CCDC12: variants seen among roughly 807,000 people sequenced by gnomAD.
CCDC12 encodes the protein coiled-coil domain containing 12.
CCDC12 carries 28 observed loss-of-function variants against 25.7 expected under a neutral mutation model. The ratio of observed to expected loss-of-function variants is 1.09; its 90% CI spans 0.81 to 1.50. CCDC12 has a LOEUF of 1.50. Among genes scored for constraint, CCDC12 ranks in the 40% most tolerant of loss-of-function variants. The pLI is 0.00. For synonymous variants in CCDC12, 75 were observed against 87.7 expected, an observed-to-expected ratio of 0.86 and a Z score of 0.81; for missense variants, 198 against 210.0, an observed-to-expected ratio of 0.94 and a Z score of 0.35.
At chr3:46,923,714 C>T (rs746649738) in intron 3 of CCDC12, 46 bp from the exon 4 acceptor site, 2 of 1,426,840 alleles carry the variant, frequency 1.4e-6, no homozygotes, top group South Asian at 3.1e-5. Context: ...AAACGCGCTG[C>T]CACTCTGCAG....
chr3:46,957,007 C>T (rs1023825733), intron 1 of CCDC12, among the ~76,000 whole-genome samples: 2 of 152,108 alleles, frequency 1.3e-5, no homozygotes, highest in African/African-American at 2.4e-5. Flanking sequence ...GCCCAGAGCC[C>T]GAGCTCCTCC....
At chr3:46,966,851 T>C (rs533777161) in intron 1 of CCDC12, among the ~76,000 whole-genome samples, 1 of 152,310 alleles carries the variant, frequency 6.6e-6, no homozygotes, top group South Asian at 2.1e-4. Context: ...CAAGCTCACC[T>C]ATCACCTTGT....
intron 1 of CCDC12, among the ~76,000 whole-genome samples, chr3:46,959,409 G>T (rs1250469542): frequency 3.3e-5 from 5 of 152,226 alleles, no homozygotes; most frequent in Admixed American, 1.3e-4. Context: ...ACTGTGGCTG[G>T]CACAGAGTAC....
intron 2 of CCDC12, among the ~76,000 whole-genome samples, chr3:46,939,817 A>G (rs1277378771): frequency 6.6e-6 from 1 of 152,176 alleles, no homozygotes; most frequent in Non-Finnish European, 1.5e-5. Flanking sequence ...AAAGGCAGAG[A>G]TGAGGCCCGC....
intron 1 of CCDC12, among the ~76,000 whole-genome samples, chr3:46,971,632 T>C (rs1395875456): frequency 2.6e-4 from 4 of 15,344 alleles, no homozygotes; most frequent in African/African-American, 2.8e-4. Flanking sequence ...TATCACTAAA[T>C]TATGAGTTTA....
At chr3:46,965,848 AG>A (rs2034622805) in intron 1 of CCDC12, 2 of 152,346 alleles carry the variant, frequency 1.3e-5, no homozygotes, top group South Asian at 4.1e-4. Context: ...AGAGTATAGG[AG>A]AAAGAATAAA....
chr3:46,948,907 C>T (rs1257607974), intron 1 of CCDC12, among the ~76,000 whole-genome samples: 2 of 151,858 alleles, frequency 1.3e-5, no homozygotes, highest in East Asian at 1.9e-4. Flanking sequence ...TATCAGTCGA[C>T]AAATACTGAC....
chr3:46,960,310 C>T (rs1176673933), intron 1 of CCDC12, among the ~76,000 whole-genome samples: 1 of 151,862 alleles, frequency 6.6e-6, no homozygotes, highest in Non-Finnish European at 1.5e-5. Context: ...GCCCAGCATT[C>T]ACTCTCACTT....
upstream of CCDC12, among the ~76,000 whole-genome samples, chr3:46,977,801 C>G (rs957104914): frequency 2.0e-5 from 3 of 152,248 alleles, no homozygotes; most frequent in Non-Finnish European, 2.9e-5. Context: ...GTACTGCCCC[C>G]AATCCCCAGC....
At chr3:46,948,056 G>A (rs144316401) in intron 1 of CCDC12, among the ~76,000 whole-genome samples, 1 of 152,220 alleles carries the variant, frequency 6.6e-6, no homozygotes, top group South Asian at 2.1e-4. Flanking sequence ...CCTCTGCAGA[G>A]GTCATGGGAA....
intron 4 of CCDC12, 50 bp from the exon 5 acceptor site, chr3:46,923,413 A>AG (rs772815566): frequency 1.1e-4 from 176 of 1,553,232 alleles, no homozygotes; most frequent in Non-Finnish European, 1.5e-4. Context: ...CCCCAGGACA[A>AG]GGGGGAGGGC....
At chr3:46,940,798 G>A in intron 2 of CCDC12, 200 bp downstream of exon 2, 1 of 601,176 alleles carries the variant, frequency 1.7e-6, no homozygotes, top group Non-Finnish European at 3.0e-6. Flanking sequence ...AATGGAAAAT[G>A]AGGGAAAGGA....
At chr3:46,981,203 G>A (rs2385872), upstream of CCDC12, among the ~76,000 whole-genome samples, 143,126 of 151,684 alleles carry the variant, frequency 0.94, 68,111 homozygotes, top group East Asian at 1. Flanking sequence ...CCAGCACTTT[G>A]GGAGGCCGAG....
chr3:46,957,563 C>T (rs7624549), intron 1 of CCDC12, among the ~76,000 whole-genome samples: 143,850 of 152,254 alleles, frequency 0.94, 68,525 homozygotes, highest in East Asian at 1. Flanking sequence ...TAGCAATAAC[C>T]TAACAACGAA....
chr3:46,934,079 C>G (rs1320533611), intron 2 of CCDC12, among the ~76,000 whole-genome samples: 2 of 152,122 alleles, frequency 1.3e-5, no homozygotes, highest in Non-Finnish European at 2.9e-5. Context: ...GCCACAGCAC[C>G]CGGTTGTAAA....
At position 46,940,993 on chromosome 3, in the gene CCDC12, A is replaced by G. The variant is rs2033677622; in HGVS notation, c.164+5T>C. Reference sequence around the variant, plus strand: ...GCAGACCCTGGAGCTGCACACGGGCATTACCTGTGCTTCTCGCCTTCTTCC... The same window carrying G: ...GCAGACCCTGGAGCTGCACACGGGCGTTACCTGTGCTTCTCGCCTTCTTCC... On this transcript the variant is annotated splice_donor_5th_base_variant and intron_variant, in intron 2 of 6. Coordinates refer to ENST00000683445, the MANE Select transcript of CCDC12 (RefSeq NM_001277074.2). 1 of 1,613,980 alleles carries G rather than the reference A, an allele frequency of 6.2e-7. No homozygotes were observed. The highest frequency in any genetic ancestry group is 2.2e-5 in the East Asian group (1 of 44,882).
At chr3:46,942,687 T>A (rs2033757013) in intron 1 of CCDC12, among the ~76,000 whole-genome samples, 1 of 151,962 alleles carries the variant, frequency 6.6e-6, no homozygotes, top group African/African-American at 2.4e-5. Context: ...TGAGAACAGA[T>A]CAACATGCCC....
chr3:46,940,939 T>C (rs1472294227), intron 2 of CCDC12, 59 bp downstream of exon 2: 24 of 1,540,218 alleles, frequency 1.6e-5, no homozygotes, highest in Non-Finnish European at 1.9e-5. Flanking sequence ...ACCCAGAGAC[T>C]GGGAGACCGA....
rs994894180 is a variant in CCDC12 at position 46,961,832 on chromosome 3, C to A, written c.96+14805G>T. ...GGAAGGTTAACAGCATGATCATAAA[C>A]AGTGCATGCCAATTAAGTCACGGGA... On this transcript the variant is annotated intron_variant, in intron 1 of 6. Coordinates refer to ENST00000683445, the MANE Select transcript of CCDC12 (RefSeq NM_001277074.2). 2.0e-5 allele frequency among the ~76,000 whole-genome samples: 3 copies of A among 152,162 alleles called. No individual in the cohort carries two copies. In the East Asian group the frequency reaches 5.8e-4, roughly 29 times the overall value.
Sources: allele counts gnomAD v4.1 joint callset (sites outside exome capture counted in the v4.1 genomes callset), GRCh38; gene constraint gnomAD v4.1.1; transcripts MANE v1.5; gene names NCBI Gene and HGNC (gene_info 2026-07-23, HGNC 2026-07-21).